ZNF536: variants seen among roughly 807,000 people sequenced by gnomAD.
The protein encoded by ZNF536 is zinc finger protein 536.
ZNF536 carries 13 observed loss-of-function variants against 84.5 expected under a neutral mutation model. The ratio of observed to expected loss-of-function variants is 0.15; its 90% CI spans 0.10 to 0.24. ZNF536 has a LOEUF of 0.24. Among genes scored for constraint, ZNF536 ranks in the 10% least tolerant of loss-of-function variants. The probability of loss-of-function intolerance (pLI) is 1.00; values close to 1 mark genes in which losing one functional copy is unlikely to be tolerated. For synonymous variants in ZNF536, 811 were observed against 742.5 expected (o/e 1.09, Z -1.50); for missense variants, 1,536 against 1,747.5 (o/e 0.88, Z 2.16).
chr19:30,646,248 C>A (rs1208479729), intron 1 of ZNF536, among the ~76,000 whole-genome samples: 1 of 152,190 alleles, frequency 6.6e-6, no homozygotes, highest in East Asian at 1.9e-4. Context: ...CTGTCATGTG[C>A]CTCCCCAACT....
chr19:30,610,848 G>A (rs1163362507), intron 1 of ZNF536, among the ~76,000 whole-genome samples: 1 of 152,152 alleles, frequency 6.6e-6, no homozygotes, highest in Non-Finnish European at 1.5e-5. Flanking sequence ...GGAATAGCAT[G>A]CCCATGTTCA....
At chr19:30,676,120 A>T (rs1340026860) in intron 1 of ZNF536, among the ~76,000 whole-genome samples, 1 of 152,024 alleles carries the variant, frequency 6.6e-6, no homozygotes, top group Non-Finnish European at 1.5e-5. Context: ...CTCCCAAAGT[A>T]TTGGGATTAC....
intron 1 of ZNF536, among the ~76,000 whole-genome samples, chr19:30,700,213 C>CTTCTTTCTTTCTTTCTTTCT (rs60390336): frequency 1.4e-4 from 14 of 102,674 alleles, no homozygotes; most frequent in African/African-American, 5.0e-4. Context: ...TCTTTCTTTC[C>CTTCTTTCTTTCTTTCTTTCT]TTCTTTCTTT....
intron 1 of ZNF536, among the ~76,000 whole-genome samples, chr19:30,572,201 C>T (rs370983112): frequency 8.5e-5 from 13 of 152,332 alleles, no homozygotes; most frequent in African/African-American, 2.9e-4. Flanking sequence ...AAGAGCCCTT[C>T]TCTGGAAAAG....
chr19:30,470,247 A>G (rs1473097056), intron 2 of ZNF536, among the ~76,000 whole-genome samples: 1 of 152,174 alleles, frequency 6.6e-6, no homozygotes, highest in Non-Finnish European at 1.5e-5. Context: ...CTAATTTTTG[A>G]ATAGTGTTAG....
At chr19:30,487,516 G>GTC (rs1022349731) in intron 2 of ZNF536, among the ~76,000 whole-genome samples, 2 of 151,914 alleles carry the variant, frequency 1.3e-5, no homozygotes, top group Non-Finnish European at 2.9e-5. Context: ...TGCCTTCTCA[G>GTC]TCTCTCTCTC....
chr19:30,578,590 A>G (rs1032665990), intron 1 of ZNF536, among the ~76,000 whole-genome samples: 20 of 152,322 alleles, frequency 1.3e-4, no homozygotes, highest in African/African-American at 4.8e-4. Context: ...AGCTCTTCCC[A>G]TATTGGGCAC....
At chr19:30,295,095 A>G (rs2045956167) in intron 2 of ZNF536, among the ~76,000 whole-genome samples, 1 of 152,184 alleles carries the variant, frequency 6.6e-6, no homozygotes, top group Admixed American at 6.5e-5. Flanking sequence ...GGTAGCATGC[A>G]GATTCTGATT....
chr19:30,513,397 C>CT (rs1463632384), intron 2 of ZNF536, among the ~76,000 whole-genome samples: 8 of 152,106 alleles, frequency 5.3e-5, no homozygotes, highest in Admixed American at 5.2e-4. Context: ...CAGCAGGCAC[C>CT]TTTTTCTGGT....
chr19:30,640,287 C>T (rs572824207), intron 1 of ZNF536, among the ~76,000 whole-genome samples: 185 of 152,126 alleles, frequency 1.2e-3, no homozygotes, highest in African/African-American at 1.8e-3. Context: ...CACACAAATA[C>T]GCACCACTGT....
chr19:30,588,100 G>A (rs1004436767), intron 1 of ZNF536, among the ~76,000 whole-genome samples: 6 of 152,188 alleles, frequency 3.9e-5, no homozygotes, highest in African/African-American at 1.4e-4. Context: ...AGCTCCCTCA[G>A]GCGGCAGCTG....
intron 1 of ZNF536, among the ~76,000 whole-genome samples, chr19:30,645,091 T>G (rs2049412868): frequency 6.6e-6 from 1 of 152,204 alleles, no homozygotes; most frequent in Non-Finnish European, 1.5e-5. Context: ...CTCATTGTGG[T>G]TTTGATTTGC....
intron 1 of ZNF536, among the ~76,000 whole-genome samples, chr19:30,592,714 A>T (rs1052019870): frequency 6.6e-6 from 1 of 152,066 alleles, no homozygotes; most frequent in African/African-American, 2.4e-5. Context: ...TCTAAGCCCA[A>T]AGATTAAATC....
At chr19:30,410,567 C>T (rs1043480274) in intron 1 of ZNF536, among the ~76,000 whole-genome samples, 2 of 150,704 alleles carry the variant, frequency 1.3e-5, no homozygotes, top group African/African-American at 2.5e-5. Flanking sequence ...CTCCGCCTCC[C>T]GGGTTCACGC....
chr19:30,495,961 T>C lies in ZNF536; in HGVS notation c.2171-38886T>C, dbSNP rs182310530. Among the ~76,000 whole-genome samples the C allele has an allele frequency of 2.6e-5, 4 of 152,330 alleles. No homozygotes were observed. The East Asian group carries it at 7.7e-4, about 29-fold the overall frequency. Reference sequence around the variant, plus strand: ...AAGCATCAGGATTCAGTTGCAATGATAATTTTGTTTCTTGCTTGTACTGCA... The same window carrying C: ...AAGCATCAGGATTCAGTTGCAATGACAATTTTGTTTCTTGCTTGTACTGCA... On this transcript the variant is annotated intron_variant, in intron 2 of 4. Transcript: ENST00000355537.
chr19:30,366,836 T>C (rs538799879), intron 3 of ZNF536, among the ~76,000 whole-genome samples: 23 of 152,322 alleles, frequency 1.5e-4, no homozygotes, highest in Admixed American at 2.6e-4. Context: ...TAGAACACCA[T>C]TTGTTAGGGC....
At chr19:30,414,816 T>A (rs1261478503) in intron 1 of ZNF536, among the ~76,000 whole-genome samples, 2 of 152,240 alleles carry the variant, frequency 1.3e-5, no homozygotes, top group African/African-American at 4.8e-5. Context: ...TCAGAGTGAG[T>A]CTGAGTCCTT....
intron 3 of ZNF536, among the ~76,000 whole-genome samples, chr19:30,365,816 CAT>C (rs1322916089): frequency 2.0e-5 from 3 of 152,184 alleles, no homozygotes; most frequent in African/African-American, 7.2e-5. Context: ...TTTCCCATAA[CAT>C]ATTATATTTA....
intron 2 of ZNF536, among the ~76,000 whole-genome samples, chr19:30,469,116 A>T (rs1200418859): frequency 6.6e-6 from 1 of 152,060 alleles, no homozygotes; most frequent in Non-Finnish European, 1.5e-5. Context: ...CCAAACATAG[A>T]CATAAAAGAA....
Sources: allele counts gnomAD v4.1 joint callset (sites outside exome capture counted in the v4.1 genomes callset), GRCh38; gene constraint gnomAD v4.1.1; transcripts MANE v1.5; gene names NCBI Gene and HGNC (gene_info 2026-07-23, HGNC 2026-07-21).